MECOM: variants seen among roughly 807,000 people sequenced by gnomAD.
MECOM encodes histone-lysine N-methyltransferase MECOM.
In MECOM, 13 loss-of-function variants were observed where a neutral mutation model predicts 116.3. That is an observed-to-expected ratio of 0.11 (90% CI 0.07 to 0.18). The LOEUF (loss-of-function observed/expected upper bound fraction) is 0.18. Ranked by LOEUF, MECOM falls within the 10% of genes least tolerant of loss-of-function variation. The pLI, the probability that MECOM is intolerant of heterozygous loss-of-function variation, is 1.00. For synonymous variants in MECOM, 528 were observed against 535.2 expected, an observed-to-expected ratio of 0.99 and a Z score of 0.19; for missense variants, 1,299 against 1,509.0, an observed-to-expected ratio of 0.86 and a Z score of 2.31.
chr3:169,606,911 C>T (rs1768650873), intron 1 of MECOM, among the ~76,000 whole-genome samples: 2 of 152,176 alleles, frequency 1.3e-5, no homozygotes, highest in Admixed American at 6.5e-5. Context: ...ATCATGTCTT[C>T]CTCCAAGGGA....
At chr3:169,332,294 T>A (rs1560142171) in intron 2 of MECOM, among the ~76,000 whole-genome samples, 1 of 152,074 alleles carries the variant, frequency 6.6e-6, no homozygotes, top group Non-Finnish European at 1.5e-5. Context: ...GTCCTTGCCC[T>A]TCGAAGGCTT....
At chr3:169,137,008 T>C (rs1035957915) in intron 3 of MECOM, among the ~76,000 whole-genome samples, 3 of 152,048 alleles carry the variant, frequency 2.0e-5, no homozygotes, top group Non-Finnish European at 4.4e-5. Context: ...CCCAGCAAAA[T>C]CTGTACTGAG....
intron 1 of MECOM, among the ~76,000 whole-genome samples, chr3:169,422,007 T>G (rs775287118): frequency 3.9e-5 from 6 of 152,162 alleles, no homozygotes; most frequent in Non-Finnish European, 5.9e-5. Flanking sequence ...GATTTATGCT[T>G]CACTATATAA....
At chr3:169,494,849 T>C (rs926370770) in intron 1 of MECOM, among the ~76,000 whole-genome samples, 1 of 152,228 alleles carries the variant, frequency 6.6e-6, no homozygotes, top group Non-Finnish European at 1.5e-5. Context: ...GTTTCAGCCA[T>C]GGTGCCATTC....
chr3:169,565,864 C>T, intron 1 of MECOM: 1 of 395,040 alleles, frequency 2.5e-6, no homozygotes, highest in Non-Finnish European at 4.9e-6. Context: ...CAGCCCCTAG[C>T]ATGCACACCA....
chr3:169,222,046 A>T (rs1465180239), intron 2 of MECOM, among the ~76,000 whole-genome samples: 1 of 152,150 alleles, frequency 6.6e-6, no homozygotes, highest in Non-Finnish European at 1.5e-5. Context: ...ATTTCCGTAG[A>T]TCACTAGCTA....
At chr3:169,583,494 TC>T (rs1438337274) in intron 1 of MECOM, among the ~76,000 whole-genome samples, 2 of 152,080 alleles carry the variant, frequency 1.3e-5, no homozygotes, top group African/African-American at 2.4e-5. Flanking sequence ...CTCTTTCTCT[TC>T]CTGTAGAACT....
intron 2 of MECOM, chr3:169,146,277 T>C: frequency 8.0e-7 from 1 of 1,250,870 alleles, no homozygotes; most frequent in Non-Finnish European, 1.0e-6. Context: ...GCACACGATG[T>C]TGGACAGCAA....
chr3:169,233,318 C>T (rs186488367), intron 2 of MECOM, among the ~76,000 whole-genome samples: 30 of 152,110 alleles, frequency 2.0e-4, no homozygotes, highest in Admixed American at 1.6e-3. Flanking sequence ...CTGGGTCATG[C>T]GGTATCAGAA....
chr3:169,270,433 G>A (rs924449463), intron 2 of MECOM, among the ~76,000 whole-genome samples: 1 of 151,768 alleles, frequency 6.6e-6, no homozygotes, highest in African/African-American at 2.4e-5. Context: ...TAATATTTAT[G>A]TATTTAATTA....
At chr3:169,287,600 A>G (rs1713591416) in intron 2 of MECOM, among the ~76,000 whole-genome samples, 1 of 152,150 alleles carries the variant, frequency 6.6e-6, no homozygotes, top group South Asian at 2.1e-4. Context: ...CTGGATTGTA[A>G]TGTTTACTTG....
chr3:169,461,154 C>T (rs75693699), intron 1 of MECOM, among the ~76,000 whole-genome samples: 11,370 of 152,084 alleles, frequency 0.075, 463 homozygotes, highest in African/African-American at 0.1. Flanking sequence ...TTCAGTTCTG[C>T]TAGAGTTGAA....
intron 2 of MECOM, among the ~76,000 whole-genome samples, chr3:169,377,614 A>G (rs1429081952): frequency 6.6e-6 from 1 of 152,228 alleles, no homozygotes; most frequent in East Asian, 1.9e-4. Context: ...AATCGAAACC[A>G]CAATGAGATA....
At chr3:169,577,235 C>T (rs1246830879) in intron 1 of MECOM, among the ~76,000 whole-genome samples, 1 of 152,166 alleles carries the variant, frequency 6.6e-6, no homozygotes, top group Non-Finnish European at 1.5e-5. Flanking sequence ...GTACAGTGCC[C>T]AGCACATAGT....
chr3:169,637,867 A>G (rs981372224), intron 1 of MECOM, among the ~76,000 whole-genome samples: 2 of 152,242 alleles, frequency 1.3e-5, no homozygotes, highest in African/African-American at 4.8e-5. Context: ...GTGCAAGGTA[A>G]TGAGTATGCA....
intron 2 of MECOM, among the ~76,000 whole-genome samples, chr3:169,270,936 T>G (rs1168607070): frequency 6.6e-6 from 1 of 152,220 alleles, no homozygotes; most frequent in East Asian, 1.9e-4. Flanking sequence ...TTTTAAATTT[T>G]TTGTAATACT....
At chr3:169,515,129 C>A (rs1399116240) in intron 1 of MECOM, among the ~76,000 whole-genome samples, 3 of 152,162 alleles carry the variant, frequency 2.0e-5, no homozygotes, top group African/African-American at 7.2e-5. Context: ...TCCAGCCTCA[C>A]CTTTCATTTC....
At chr3:169,237,610 C>CAAAA (rs775383808) in intron 2 of MECOM, among the ~76,000 whole-genome samples, 19 of 80,608 alleles carry the variant, frequency 2.4e-4, no homozygotes, top group Middle Eastern at 9.3e-3. Context: ...GTCTCCATCA[C>CAAAA]AAAAAAAAAA....
intron 1 of MECOM, among the ~76,000 whole-genome samples, chr3:169,513,735 A>G (rs1030236620): frequency 6.6e-6 from 1 of 152,250 alleles, no homozygotes; most frequent in Non-Finnish European, 1.5e-5. Context: ...AGTACTAAGT[A>G]CAATTTAAAG....
Sources: allele counts gnomAD v4.1 joint callset (sites outside exome capture counted in the v4.1 genomes callset), GRCh38; gene constraint gnomAD v4.1.1; transcripts MANE v1.5; gene names NCBI Gene and HGNC (gene_info 2026-07-23, HGNC 2026-07-21).